C5orf34: variants seen among roughly 807,000 people sequenced by gnomAD.
C5orf34 encodes the protein chromosome 5 open reading frame 34.
C5orf34 carries 73 observed loss-of-function variants against 78.4 expected under a neutral mutation model. That is an observed-to-expected ratio of 0.93 (90% CI 0.77 to 1.13). The LOEUF (loss-of-function observed/expected upper bound fraction) is 1.13, where lower values mean the gene tolerates loss of function less well. Ranked by LOEUF, C5orf34 falls within the 50% of genes most tolerant of loss-of-function variation. The probability of loss-of-function intolerance (pLI) is 0.00; values close to 1 mark genes in which losing one functional copy is unlikely to be tolerated. For synonymous variants in C5orf34, 251 were observed against 246.6 expected, an observed-to-expected ratio of 1.02 and a Z score of -0.17; for missense variants, 730 against 732.7, an observed-to-expected ratio of 1.00 and a Z score of 0.04.
At chr5:43,505,565 A>G in intron 4 of C5orf34, 183 bp downstream of exon 4, 1 of 571,314 alleles carries the variant, frequency 1.8e-6, no homozygotes, top group East Asian at 2.9e-5. Flanking sequence ...CATTCAATGC[A>G]TGGACACAGA....
At position 43,503,776 on chromosome 5, in the gene C5orf34, T is replaced by C; in HGVS notation, c.933-16A>G. 6.7e-7 allele frequency: 1 copy of C among 1,493,794 alleles called. No individual in the cohort carries two copies. The highest frequency in any genetic ancestry group is 9.3e-7 in the Non-Finnish European group (1 of 1,070,706). The allele number at this position is 1,493,794 out of a possible 1,614,324, so 92.5% of individuals were successfully genotyped here. A position where few individuals can be genotyped will look rare whatever the true frequency, so the allele number is the denominator to read the frequency against. ...AAAATTCCACCTGTGAAGGATAAAA[T>C]ACAAGCTATTACTTCTGGTTGCTCA... On this transcript the variant is annotated splice_polypyrimidine_tract_variant and intron_variant, in intron 4 of 12. Coordinates refer to ENST00000306862, the MANE Select transcript of C5orf34 (RefSeq NM_198566.4).
Position 43,514,963 on chromosome 5 carries a change from T to C in C5orf34, c.-194A>G, listed in dbSNP as rs771596610. 4.6e-5 allele frequency: 7 copies of C among 152,152 alleles called. No individual in the cohort carries two copies. The highest frequency in any genetic ancestry group is 1.5e-5 in the Non-Finnish European group (1 of 68,040). 9.4% of individuals were successfully genotyped at this position (152,152 alleles called of 1,614,324 possible). A position where few individuals can be genotyped will look rare whatever the true frequency, so the allele number is the denominator to read the frequency against. On this transcript the variant is annotated 5_prime_UTR_variant, in exon 1 of 13. Coordinates refer to ENST00000306862, the MANE Select transcript of C5orf34 (RefSeq NM_198566.4). ...ACAAATTACCAGCGAGTGATATTTC[T>C]TGGTGAAAGAAAAAAATCACAACCC... is the stretch of plus-strand genomic sequence containing the variant.
Position 43,509,361 on chromosome 5 carries a change from C to CT in C5orf34, c.-23dup. The stretch of plus-strand genomic sequence containing the variant: ...CCATTACAACGGCAGGATAAGATAT[C>CT]TTCTAAGTCAAAGACTGAATGAAAT... On this transcript the variant is annotated 5_prime_UTR_variant, in exon 2 of 13. Transcript: ENST00000306862. The CT allele has an allele frequency of 1.4e-6, 2 of 1,425,202 alleles. No individual in the cohort carries two copies. The highest frequency in any genetic ancestry group is 1.8e-6 in the Non-Finnish European group (2 of 1,091,380). 88.3% of individuals were successfully genotyped at this position (1,425,202 alleles called of 1,614,324 possible). A position where few individuals can be genotyped will look rare whatever the true frequency, so the allele number is the denominator to read the frequency against.
At chr5:43,492,639 A>G in intron 9 of C5orf34, 81 bp downstream of exon 9, 1 of 1,194,756 alleles carries the variant, frequency 8.4e-7, no homozygotes, top group Non-Finnish European at 1.2e-6. Flanking sequence ...ATGAACTGAA[A>G]TAGTGTGGTA....
chr5:43,500,159 TTA>T (rs1203133174), intron 6 of C5orf34, among the ~76,000 whole-genome samples: 13 of 152,322 alleles, frequency 8.5e-5, no homozygotes, highest in African/African-American at 3.1e-4. Flanking sequence ...GGGAAAAATG[TTA>T]TGTCATTGAT....
Position 43,505,864 on chromosome 5 carries a change from A to T in C5orf34, c.816T>A (p.Asp272Glu). ...HNKISNMSKI[D>E]AHITQSRFLT... ...AAAATCTACTCTGAGTTATATGTGC[A>T]TCAATTTTAGACATATTGCTGATTT... The change falls in exon 4 of 13, where the codon GAT becomes GAA. Residue 272 changes from aspartate to glutamate, a missense_variant. Asp to Glu is a conservative substitution (Grantham distance 45). Transcript: ENST00000306862. 1 of 1,613,912 alleles carries T rather than the reference A, an allele frequency of 6.2e-7. No individual in the cohort carries two copies. The highest frequency in any genetic ancestry group is 8.5e-7 in the Non-Finnish European group (1 of 1,179,834).
intron 1 of C5orf34, among the ~76,000 whole-genome samples, chr5:43,509,806 A>C (rs1746149003): frequency 6.6e-6 from 1 of 151,932 alleles, no homozygotes; most frequent in Non-Finnish European, 1.5e-5. Flanking sequence ...TCCAGGCTAG[A>C]GTGCAGTGGT....
In C5orf34 at chr5:43,492,162, CTGTT is replaced by C. The variant is rs1745311251; in HGVS notation, c.1580+49_1580+52del. ...TTAAATAATGCTTATTGCTTATTCTCTGTTAGTTAAAAGTAAAACATAAAAATAA... is the reference window on the plus strand; with the variant it reads ...TTAAATAATGCTTATTGCTTATTCTCAGTTAAAAGTAAAACATAAAAATAA... On this transcript the variant is annotated intron_variant, in intron 10 of 12. Transcript: ENST00000306862. The C allele has an allele frequency of 1.3e-5, 15 of 1,162,846 alleles. No homozygotes were observed. The South Asian group carries it at 1.6e-4, about 12-fold the overall frequency. 72.0% of individuals were successfully genotyped at this position (1,162,846 alleles called of 1,614,324 possible).
chr5:43,503,509 G>A (rs111739652), intron 5 of C5orf34, among the ~76,000 whole-genome samples, 156 bp downstream of exon 5: 4 of 152,200 alleles, frequency 2.6e-5, no homozygotes, highest in African/African-American at 9.6e-5. Flanking sequence ...CATTAGTTTT[G>A]AGACCTGTAA....
At chr5:43,509,612 T>C (rs1270505425) in intron 1 of C5orf34, among the ~76,000 whole-genome samples, 2 of 152,252 alleles carry the variant, frequency 1.3e-5, no homozygotes, top group African/African-American at 4.8e-5. Flanking sequence ...CCACAAGTGA[T>C]AACTGTCTTT....
chr5:43,494,484 G>A (rs771880278), intron 7 of C5orf34, 26 bp downstream of exon 7: 1 of 1,450,052 alleles, frequency 6.9e-7, no homozygotes, highest in Non-Finnish European at 9.6e-7. Flanking sequence ...CATAACATTT[G>A]ATTCAATTGA....
intron 5 of C5orf34, 70 bp from the exon 6 acceptor site, chr5:43,502,565 CA>C: frequency 1.1e-6 from 1 of 875,130 alleles, no homozygotes; most frequent in Non-Finnish European, 1.8e-6. Flanking sequence ...AGATAGTCAT[CA>C]AAAAACAGTA....
At chr5:43,506,573 T>C (rs1341805480) in intron 3 of C5orf34, among the ~76,000 whole-genome samples, 179 bp from the exon 4 acceptor site, 1 of 152,140 alleles carries the variant, frequency 6.6e-6, no homozygotes, top group African/African-American at 2.4e-5. Flanking sequence ...CAGAGAATGT[T>C]TGATATTGTT....
intron 3 of C5orf34, among the ~76,000 whole-genome samples, chr5:43,507,797 G>A (rs892936771): frequency 2.0e-5 from 3 of 151,752 alleles, no homozygotes; most frequent in Admixed American, 6.6e-5. Flanking sequence ...AGAGGCTGCC[G>A]GCCGGGCGCG....
At chr5:43,500,039 T>C (rs1745694216) in intron 6 of C5orf34, among the ~76,000 whole-genome samples, 1 of 152,188 alleles carries the variant, frequency 6.6e-6, no homozygotes, top group Non-Finnish European at 1.5e-5. Flanking sequence ...AATTGTCCTT[T>C]AAGAAAGCCA....
intron 8 of C5orf34, 48 bp from the exon 9 acceptor site, chr5:43,492,938 C>A (rs751282337): frequency 1.5e-6 from 2 of 1,351,698 alleles, no homozygotes; most frequent in Non-Finnish European, 2.0e-6. Flanking sequence ...TATCTAAGAA[C>A]AAGATTTAAA....
chr5:43,504,950 C>A (rs1745916763), intron 4 of C5orf34, among the ~76,000 whole-genome samples: 1 of 152,132 alleles, frequency 6.6e-6, no homozygotes, highest in African/African-American at 2.4e-5. Context: ...GGGATCAAAT[C>A]TCAATTTTAC....
intron 5 of C5orf34, among the ~76,000 whole-genome samples, chr5:43,503,068 G>C (rs980812991): frequency 3.3e-5 from 5 of 152,198 alleles, no homozygotes; most frequent in Non-Finnish European, 7.3e-5. Context: ...TCTTCACATA[G>C]GAAAAGGAGA....
intron 1 of C5orf34, among the ~76,000 whole-genome samples, chr5:43,510,429 C>A (rs1229063333): frequency 2.0e-5 from 3 of 152,146 alleles, no homozygotes; most frequent in African/African-American, 7.2e-5. Flanking sequence ...TGGGTTTCCT[C>A]CCTCTCCCTC....
Sources: allele counts gnomAD v4.1 joint callset (sites outside exome capture counted in the v4.1 genomes callset), GRCh38; gene constraint gnomAD v4.1.1; transcripts MANE v1.5; gene names NCBI Gene and HGNC (gene_info 2026-07-23, HGNC 2026-07-21).